Variants in PLXNA4 observed in about 807,000 individuals in gnomAD.
PLXNA4 encodes plexin A4.
PLXNA4 carries 44 observed loss-of-function variants against 191.8 expected under a neutral mutation model. The observed-to-expected ratio is 0.23, with a 90% CI of 0.18 to 0.29. The LOEUF (loss-of-function observed/expected upper bound fraction) is 0.29, where lower values mean the gene tolerates loss of function less well. Ranked by LOEUF, PLXNA4 falls within the 10% of genes least tolerant of loss-of-function variation. The pLI, the probability that PLXNA4 is intolerant of heterozygous loss-of-function variation, is 1.00. For synonymous variants in PLXNA4, 1,082 were observed against 1,009.5 expected (o/e 1.07, Z -1.36); for missense variants, 1,800 against 2,488.8 (o/e 0.72, Z 5.89).
At chr7:132,308,332 G>A (rs1801604237) in intron 3 of PLXNA4, among the ~76,000 whole-genome samples, 1 of 152,112 alleles carries the variant, frequency 6.6e-6, no homozygotes, top group Middle Eastern at 3.2e-3. Flanking sequence ...CAACTTCTTT[G>A]GATAGCCTGC....
chr7:132,500,610 A>C (rs1255263464), intron 2 of PLXNA4, among the ~76,000 whole-genome samples: 3 of 152,152 alleles, frequency 2.0e-5, no homozygotes, highest in South Asian at 4.1e-4. Context: ...TGAAGGAAAA[A>C]AAATTCTAAG....
intron 25 of PLXNA4, among the ~76,000 whole-genome samples, chr7:132,155,200 C>A (rs1795756687): frequency 6.6e-6 from 1 of 152,128 alleles, no homozygotes; most frequent in Admixed American, 6.5e-5. Flanking sequence ...CGGACAGTGG[C>A]AGAGGGGAGA....
intron 21 of PLXNA4, 61 bp from the exon 22 acceptor site, chr7:132,168,633 C>T (rs1796193589): frequency 2.6e-6 from 4 of 1,514,052 alleles, no homozygotes; most frequent in Non-Finnish European, 3.5e-6. Flanking sequence ...GTGACCTCCC[C>T]ACGGGATGGC....
At chr7:132,193,219 TG>T (rs1381405260) in intron 14 of PLXNA4, among the ~76,000 whole-genome samples, 1 of 151,972 alleles carries the variant, frequency 6.6e-6, no homozygotes, top group East Asian at 1.9e-4. Context: ...TATCAAAGAG[TG>T]GGTTTGTTAT....
intron 9 of PLXNA4, among the ~76,000 whole-genome samples, chr7:132,213,652 G>A (rs536520339): frequency 1.3e-5 from 2 of 152,296 alleles, no homozygotes; most frequent in South Asian, 2.1e-4. Flanking sequence ...GAACTGGGGC[G>A]GGAGGAGAGT....
intron 1 of PLXNA4, among the ~76,000 whole-genome samples, chr7:132,559,875 G>A (rs1409993857): frequency 6.6e-6 from 1 of 152,226 alleles, no homozygotes; most frequent in Non-Finnish European, 1.5e-5. Flanking sequence ...CCTAGACTGT[G>A]TCTGCTATTT....
In PLXNA4 at chr7:132,212,050, G is replaced by A. The variant is rs75537008; in HGVS notation, c.2098-907C>T. Among the ~76,000 whole-genome samples the A allele has an allele frequency of 8.5e-3, 1,293 of 152,256 alleles. 20 individuals carry two copies. Among genetic ancestry groups the A allele is most frequent in the African/African-American group, 0.03 (1,230 of 41,538 alleles). On this transcript the variant is annotated intron_variant, in intron 9 of 31. Transcript: ENST00000321063. ...CTCTTGCTGATGGATGTGGGCAGGC[G>A]TGAAGCCTTCCATAACACAAGCATG...
intron 3 of PLXNA4, among the ~76,000 whole-genome samples, chr7:132,439,991 T>TGTAA (rs1186943128): frequency 3.5e-5 from 1 of 28,632 alleles, no homozygotes; most frequent in African/African-American, 8.3e-5. Context: ...CATGTGCATG[T>TGTAA]GTGAGTGTGT....
chr7:132,513,058 C>T (rs1798792865), intron 1 of PLXNA4, among the ~76,000 whole-genome samples: 1 of 152,194 alleles, frequency 6.6e-6, no homozygotes, highest in South Asian at 2.1e-4. Context: ...CTACAGTTTT[C>T]CCTTCTTTGA....
rs57908828 is a variant in PLXNA4 at position 132,595,555 on chromosome 7, T to C, written c.-87+50373A>G. ...ATAATTACCTTGTTCTTAAAACCCA[T>C]ATTATTTTAAAATCTGGAAAAGGGG... On this transcript the variant is annotated intron_variant, in intron 2 of 4. Transcript: ENST00000378539. Among the ~76,000 whole-genome samples the C allele has an allele frequency of 7.4e-3, 1,130 of 152,284 alleles. 16 individuals are homozygous for C. Among genetic ancestry groups the C allele is most frequent in the African/African-American group, 0.026 (1,090 of 41,562 alleles).
At chr7:132,161,750 A>T (rs567592897) in intron 24 of PLXNA4, among the ~76,000 whole-genome samples, 1 of 152,180 alleles carries the variant, frequency 6.6e-6, no homozygotes, top group East Asian at 1.9e-4. Context: ...CCGGGCGGGC[A>T]CCTAGCGCTC....
intron 4 of PLXNA4, among the ~76,000 whole-genome samples, chr7:132,281,161 T>C (rs866037552): frequency 3.3e-5 from 5 of 152,334 alleles, no homozygotes; most frequent in Middle Eastern, 3.4e-3. Flanking sequence ...GTTTAGCACT[T>C]AGTGATACAA....
At chr7:132,155,679 C>T (rs1183283734) in intron 25 of PLXNA4, among the ~76,000 whole-genome samples, 1 of 152,182 alleles carries the variant, frequency 6.6e-6, no homozygotes. Context: ...TCAGTCCCAA[C>T]TCCTCCCGCT....
At chr7:132,638,365 G>T (rs1376293332) in intron 2 of PLXNA4, among the ~76,000 whole-genome samples, 1 of 152,174 alleles carries the variant, frequency 6.6e-6, no homozygotes. Flanking sequence ...ACAAGAAAAT[G>T]CCAGGGCCGG....
intron 3 of PLXNA4, among the ~76,000 whole-genome samples, chr7:132,412,418 G>A (rs143199973): frequency 3.3e-5 from 5 of 152,246 alleles, no homozygotes; most frequent in South Asian, 2.1e-4. Flanking sequence ...TGCAGACAGC[G>A]ACCTGCAGGA....
intron 4 of PLXNA4, among the ~76,000 whole-genome samples, chr7:132,279,776 A>G (rs1215944262): frequency 1.3e-5 from 2 of 152,168 alleles, no homozygotes; most frequent in African/African-American, 4.8e-5. Flanking sequence ...TCAACAAATA[A>G]CTGTAGAAGG....
intron 5 of PLXNA4, among the ~76,000 whole-genome samples, chr7:132,236,773 T>A (rs545074911): frequency 1.5e-4 from 23 of 152,188 alleles, no homozygotes; most frequent in African/African-American, 5.5e-4. Flanking sequence ...CTGTCTCCCT[T>A]CCTAGAAAAT....
intron 1 of PLXNA4, among the ~76,000 whole-genome samples, chr7:132,554,436 G>A (rs1800701405): frequency 6.6e-6 from 1 of 152,208 alleles, no homozygotes; most frequent in African/African-American, 2.4e-5. Context: ...CGTTTCCAGA[G>A]TCTCCAAGCT....
At chr7:132,494,731 T>G (rs1169488020) in intron 2 of PLXNA4, among the ~76,000 whole-genome samples, 1 of 152,212 alleles carries the variant, frequency 6.6e-6, no homozygotes, top group Non-Finnish European at 1.5e-5. Flanking sequence ...CAGTTACGGT[T>G]ACTTTACCAA....
Sources: allele counts gnomAD v4.1 joint callset (sites outside exome capture counted in the v4.1 genomes callset), GRCh38; gene constraint gnomAD v4.1.1; transcripts MANE v1.5; gene names NCBI Gene and HGNC (gene_info 2026-07-23, HGNC 2026-07-21).